Variants in CCDC30 observed in about 807,000 individuals in gnomAD.
CCDC30 encodes the protein coiled-coil domain-containing protein 30.
A neutral mutation model predicts 100.2 loss-of-function variants in CCDC30; 70 were observed. That is an observed-to-expected ratio of 0.70 (90% CI 0.58 to 0.85). The LOEUF (loss-of-function observed/expected upper bound fraction) is 0.85, where lower values mean the gene tolerates loss of function less well. CCDC30 is among the 40% of genes least tolerant of loss of function. CCDC30 has a pLI of 0.00. For synonymous variants in CCDC30, 233 were observed against 269.5 expected, an observed-to-expected ratio of 0.86 and a Z score of 1.33; for missense variants, 652 against 771.2, an observed-to-expected ratio of 0.85 and a Z score of 1.83.
chr1:42,580,753 A>G, intron 8 of CCDC30: 1 of 434,494 alleles, frequency 2.3e-6, no homozygotes, highest in Non-Finnish European at 4.6e-6. Context: ...CTCCCAGAGC[A>G]TTAAAAAACC....
intron 13 of CCDC30, 144 bp from the exon 18 acceptor site, chr1:42,644,549 G>C (rs1647718753): frequency 1.7e-6 from 1 of 604,544 alleles, no homozygotes; most frequent in East Asian, 2.8e-5. Flanking sequence ...CTTGGAATAT[G>C]GTGGGAATTA....
intron 11 of CCDC30, among the ~76,000 whole-genome samples, chr1:42,625,882 C>A (rs1557467929): frequency 6.6e-6 from 1 of 152,066 alleles, no homozygotes; most frequent in East Asian, 1.9e-4. Context: ...GTCTATAATG[C>A]AGATTATATC....
chr1:42,539,543 T>G (rs1644972688), intron 6 of CCDC30, among the ~76,000 whole-genome samples: 1 of 152,158 alleles, frequency 6.6e-6, no homozygotes, highest in African/African-American at 2.4e-5. Context: ...ATCTGCAAAT[T>G]TTTTTACTTT....
chr1:42,598,832 A>G (rs1646344706), intron 10 of CCDC30, among the ~76,000 whole-genome samples: 2 of 151,994 alleles, frequency 1.3e-5, no homozygotes, highest in South Asian at 4.1e-4. Flanking sequence ...AGGCCAAGAC[A>G]GGAGGATCGC....
At chr1:42,620,653 A>T (rs1052577468) in intron 11 of CCDC30, among the ~76,000 whole-genome samples, 1 of 152,154 alleles carries the variant, frequency 6.6e-6, no homozygotes, top group Non-Finnish European at 1.5e-5. Flanking sequence ...GACTCCCTAG[A>T]ATGAAGTGCA....
chr1:42,566,433 C>T, exon 7 of CCDC30: 1 of 1,613,878 alleles, frequency 6.2e-7, no homozygotes, highest in Non-Finnish European at 8.5e-7. Flanking sequence ...AGAACTTGGA[C>T]TTAAAGCAAC....
intron 10 of CCDC30, among the ~76,000 whole-genome samples, chr1:42,605,174 C>T (rs773769308): frequency 3.3e-5 from 5 of 152,204 alleles, no homozygotes; most frequent in African/African-American, 4.8e-5. Flanking sequence ...CCATCATCCC[C>T]ATTAAAATCA....
chr1:42,556,704 C>T (rs943728092), intron 6 of CCDC30, among the ~76,000 whole-genome samples: 1 of 152,092 alleles, frequency 6.6e-6, no homozygotes, highest in South Asian at 2.1e-4. Context: ...ATAACCATGG[C>T]CTGAATAGTA....
chr1:42,654,477 A>G (rs1304176221), downstream of CCDC30: 4 of 158,970 alleles, frequency 2.5e-5, no homozygotes, highest in Non-Finnish European at 5.5e-5. Flanking sequence ...TCACGAGGTC[A>G]GGAGATCGAG....
At chr1:42,577,665 G>T (rs1645869213) in intron 8 of CCDC30, among the ~76,000 whole-genome samples, 1 of 151,940 alleles carries the variant, frequency 6.6e-6, no homozygotes, top group Admixed American at 6.6e-5. Context: ...TTTTGAGAGG[G>T]AGTCTCGCTC....
chr1:42,647,552 T>C (rs1434231843), intron 15 of CCDC30, among the ~76,000 whole-genome samples: 4 of 152,154 alleles, frequency 2.6e-5, no homozygotes, highest in Non-Finnish European at 5.9e-5. Flanking sequence ...CAACAAATAG[T>C]GGAGTTAAAC....
chr1:42,488,285 TAGG>T (rs1250808325), intron 3 of CCDC30, among the ~76,000 whole-genome samples: 1 of 152,156 alleles, frequency 6.6e-6, no homozygotes, highest in Non-Finnish European at 1.5e-5. Flanking sequence ...ATTACTGGTT[TAGG>T]AGGACTGTTG....
chr1:42,636,197 A>G (rs906716952), intron 11 of CCDC30, among the ~76,000 whole-genome samples: 2 of 152,132 alleles, frequency 1.3e-5, no homozygotes, highest in African/African-American at 4.8e-5. Context: ...AGGCAGGAGG[A>G]TAGTTTGAGG....
intron 1 of CCDC30, among the ~76,000 whole-genome samples, chr1:42,466,227 C>T (rs936421721): frequency 4.6e-5 from 7 of 152,266 alleles, no homozygotes; most frequent in Admixed American, 3.9e-4. Context: ...CACTCAAAGA[C>T]TTTGGAATCC....
chr1:42,472,831 T>C (rs370390663), intron 1 of CCDC30, among the ~76,000 whole-genome samples: 1 of 152,362 alleles, frequency 6.6e-6, no homozygotes, highest in East Asian at 1.9e-4. Context: ...TCTAGTCATA[T>C]ATACATAGAC....
At chr1:42,495,824 A>G (rs1030229307) in intron 4 of CCDC30, among the ~76,000 whole-genome samples, 5 of 152,240 alleles carry the variant, frequency 3.3e-5, no homozygotes, top group Admixed American at 2.0e-4. Context: ...AAATTTACAT[A>G]ATTTCTTCCA....
downstream of CCDC30, among the ~76,000 whole-genome samples, chr1:42,656,830 G>T (rs920108782): frequency 6.6e-6 from 1 of 152,072 alleles, no homozygotes; most frequent in African/African-American, 2.4e-5. Context: ...CGTAGTAACT[G>T]CTTAATAAAT....
intron 9 of CCDC30, among the ~76,000 whole-genome samples, chr1:42,587,682 CAAACTT>C (rs1646101951): frequency 6.6e-6 from 1 of 152,152 alleles, no homozygotes; most frequent in African/African-American, 2.4e-5. Flanking sequence ...TTAGAGAAAA[CAAACTT>C]AATTGTCGAA....
At chr1:42,607,826 T>C (rs2148635673) in intron 10 of CCDC30, among the ~76,000 whole-genome samples, 1 of 152,318 alleles carries the variant, frequency 6.6e-6, no homozygotes, top group South Asian at 2.1e-4. Flanking sequence ...CAACAGGAAC[T>C]CTTTTTTTAG....
Sources: gnomAD v4.1 joint callset for allele counts (sites outside exome capture counted in the v4.1 genomes callset) on GRCh38, gnomAD v4.1.1 for gene constraint, MANE v1.5 for transcripts, NCBI Gene and HGNC (gene_info 2026-07-23, HGNC 2026-07-21) for gene names.